The following RFTN2 variants were observed in gnomAD, a reference collection of about 807,000 sequenced individuals.
The protein encoded by RFTN2 is raftlin-2.
Under a neutral mutation model 52.7 loss-of-function variants are expected in RFTN2, and 34 were observed. That is an observed-to-expected ratio of 0.64 (90% CI 0.49 to 0.86). The LOEUF is 0.86. RFTN2 is among the 40% of genes least tolerant of loss of function. RFTN2 has a pLI of 0.00. For synonymous variants in RFTN2, 203 were observed against 217.7 expected, an observed-to-expected ratio of 0.93 and a Z score of 0.59; for missense variants, 536 against 600.1, an observed-to-expected ratio of 0.89 and a Z score of 1.12.
chr2:197,627,823 T>C (rs2088390777), intron 5 of RFTN2, among the ~76,000 whole-genome samples: 2 of 152,094 alleles, frequency 1.3e-5, no homozygotes, highest in South Asian at 4.1e-4. Context: ...TCACAGATCT[T>C]ACAACTTTTA....
chr2:197,573,657 A>C (rs1341266413), intron 8 of RFTN2, among the ~76,000 whole-genome samples: 1 of 152,260 alleles, frequency 6.6e-6, no homozygotes, highest in Non-Finnish European at 1.5e-5. Flanking sequence ...CAAGGAGCCA[A>C]ATGTTAATTG....
intron 5 of RFTN2, among the ~76,000 whole-genome samples, chr2:197,627,881 C>T (rs2088392607): frequency 7.6e-6 from 1 of 130,862 alleles, no homozygotes; most frequent in African/African-American, 2.8e-5. Flanking sequence ...CCCCGCCCCC[C>T]CGCCCCCCCG....
At chr2:197,623,626 GCACCA>G (rs1428244348) in intron 5 of RFTN2, among the ~76,000 whole-genome samples, 3 of 152,056 alleles carry the variant, frequency 2.0e-5, no homozygotes, top group African/African-American at 7.2e-5. Context: ...CCGCAGGCGT[GCACCA>G]CCATGCCAGG....
At chr2:197,581,660 C>T (rs2087512914) in intron 8 of RFTN2, among the ~76,000 whole-genome samples, 1 of 152,180 alleles carries the variant, frequency 6.6e-6, no homozygotes, top group African/African-American at 2.4e-5. Context: ...TCTGGTACCC[C>T]CTTCCAAAGC....
intron 1 of RFTN2, among the ~76,000 whole-genome samples, chr2:197,673,961 TA>T (rs887145450): frequency 1.3e-4 from 19 of 151,080 alleles, no homozygotes; most frequent in African/African-American, 2.2e-4. Flanking sequence ...AAACGAGTCC[TA>T]AAAAAAAATT....
intron 7 of RFTN2, among the ~76,000 whole-genome samples, chr2:197,610,248 G>C (rs1156614227): frequency 7.2e-5 from 11 of 152,174 alleles, no homozygotes; most frequent in Non-Finnish European, 1.6e-4. Flanking sequence ...CTATCCATGA[G>C]CATGGAATGT....
chr2:197,575,758 T>A (rs959574181), intron 8 of RFTN2, among the ~76,000 whole-genome samples: 31 of 127,612 alleles, frequency 2.4e-4, no homozygotes, highest in South Asian at 4.6e-4. Flanking sequence ...AATATATTTT[T>A]TATATATATA....
chr2:197,665,613 A>G (rs571156883), intron 1 of RFTN2, among the ~76,000 whole-genome samples: 2 of 142,994 alleles, frequency 1.4e-5, no homozygotes, highest in African/African-American at 2.6e-5. Context: ...TTCCATTTAC[A>G]TGGAATATCA....
At chr2:197,633,532 G>A (rs1461050703) in intron 4 of RFTN2, among the ~76,000 whole-genome samples, 186 bp downstream of exon 4, 1 of 152,054 alleles carries the variant, frequency 6.6e-6, no homozygotes, top group African/African-American at 2.4e-5. Flanking sequence ...AGAGACAACT[G>A]TCTAAAAAAC....
intron 3 of RFTN2, among the ~76,000 whole-genome samples, chr2:197,634,720 ATTATTTAT>A (rs200552307): frequency 0.012 from 1,861 of 148,904 alleles, 34 homozygotes; most frequent in African/African-American, 0.043. Flanking sequence ...ATTTTTAAGG[ATTATTTAT>A]TTATTTATTT....
rs2087291007 is a variant in RFTN2, at chr2:197,569,973, T to A, written c.*2035A>T. The A allele has an allele frequency of 6.7e-6, 1 of 149,712 alleles. No individual in the cohort carries two copies. 9.3% of individuals were successfully genotyped at this position (149,712 alleles called of 1,614,324 possible). On this transcript the variant is annotated 3_prime_UTR_variant, in exon 9 of 9. Coordinates refer to ENST00000295049, the MANE Select transcript of RFTN2 (RefSeq NM_144629.3). ...AAAAAGTTATTGCTATATTTCTGAGTTTTTTCTTAGTCAAATATAAATTCC... is the reference window on the plus strand; with the variant it reads ...AAAAAGTTATTGCTATATTTCTGAGATTTTTCTTAGTCAAATATAAATTCC...
At chr2:197,654,846 A>T (rs1204339681) in intron 1 of RFTN2, among the ~76,000 whole-genome samples, 1 of 152,026 alleles carries the variant, frequency 6.6e-6, no homozygotes, top group Non-Finnish European at 1.5e-5. Context: ...AAAAATATAA[A>T]ATTAGCCTGG....
At chr2:197,668,393 C>T (rs2089091805) in intron 1 of RFTN2, among the ~76,000 whole-genome samples, 1 of 152,136 alleles carries the variant, frequency 6.6e-6, no homozygotes, top group Admixed American at 6.5e-5. Context: ...TGCTGCTGTC[C>T]TGCCACTGGG....
intron 8 of RFTN2, among the ~76,000 whole-genome samples, chr2:197,589,662 T>C (rs2087666393): frequency 6.6e-6 from 1 of 152,246 alleles, no homozygotes; most frequent in Non-Finnish European, 1.5e-5. Context: ...ATATCCTCAT[T>C]GGTGAGGTGT....
intron 7 of RFTN2, among the ~76,000 whole-genome samples, chr2:197,615,507 T>A (rs2088127156): frequency 6.6e-6 from 1 of 152,224 alleles, no homozygotes; most frequent in South Asian, 2.1e-4. Flanking sequence ...TTGGTTCTAA[T>A]GTAGGCATTT....
intron 1 of RFTN2, among the ~76,000 whole-genome samples, chr2:197,651,738 C>G (rs1011311832): frequency 6.6e-6 from 1 of 152,154 alleles, no homozygotes; most frequent in Non-Finnish European, 1.5e-5. Flanking sequence ...TTTAAGTCAA[C>G]AATTTTTAAA....
intron 5 of RFTN2, among the ~76,000 whole-genome samples, chr2:197,625,685 TCTCC>T: frequency 7.8e-6 from 1 of 127,574 alleles, no homozygotes; most frequent in Non-Finnish European, 1.7e-5. Flanking sequence ...TCTCCTCTCC[TCTCC>T]TCTCCTCTCC....
At chr2:197,625,531 C>A (rs951631440) in intron 5 of RFTN2, among the ~76,000 whole-genome samples, 1 of 151,998 alleles carries the variant, frequency 6.6e-6, no homozygotes, top group African/African-American at 2.4e-5. Context: ...AGAATCTTAG[C>A]CTATCCACTT....
intron 8 of RFTN2, among the ~76,000 whole-genome samples, chr2:197,574,474 A>G (rs2106159250): frequency 6.6e-6 from 1 of 152,312 alleles, no homozygotes; most frequent in South Asian, 2.1e-4. Flanking sequence ...CTAGGAAGTA[A>G]CTAACCTGCT....
Sources: gnomAD v4.1 joint callset for allele counts (sites outside exome capture counted in the v4.1 genomes callset) on GRCh38, gnomAD v4.1.1 for gene constraint, MANE v1.5 for transcripts, NCBI Gene and HGNC (gene_info 2026-07-23, HGNC 2026-07-21) for gene names.